Variants in EBF4 observed in about 807,000 individuals in gnomAD.
EBF4 encodes the protein EBF transcription factor 4.
Under a neutral mutation model 67.1 loss-of-function variants are expected in EBF4, and 34 were observed. The ratio of observed to expected loss-of-function variants is 0.51; its 90% CI spans 0.39 to 0.67. The LOEUF is 0.67. EBF4 is among the 30% of genes least tolerant of loss of function. The pLI is 0.00. For synonymous variants in EBF4, 387 were observed against 377.7 expected (o/e 1.02, Z -0.29); for missense variants, 837 against 873.3 (o/e 0.96, Z 0.52).
At chr20:2,709,007 G>C (rs780505321) in intron 5 of EBF4, among the ~76,000 whole-genome samples, 14 of 152,082 alleles carry the variant, frequency 9.2e-5, no homozygotes, top group Non-Finnish European at 1.6e-4. Context: ...CCAACGTGGT[G>C]AAACCCCGTC....
chr20:2,706,890 G>A (rs1241764610), intron 4 of EBF4, among the ~76,000 whole-genome samples: 3 of 152,230 alleles, frequency 2.0e-5, no homozygotes, highest in African/African-American at 7.2e-5. Context: ...GCACCTTGCT[G>A]ATGTGACGGT....
At chr20:2,706,673 C>A (rs949696291) in intron 4 of EBF4, among the ~76,000 whole-genome samples, 1 of 152,112 alleles carries the variant, frequency 6.6e-6, no homozygotes, top group Non-Finnish European at 1.5e-5. Context: ...TTTTGCACCC[C>A]GTATCAATTA....
chr20:2,753,408 C>A (rs2088188320), intron 14 of EBF4, among the ~76,000 whole-genome samples: 1 of 152,230 alleles, frequency 6.6e-6, no homozygotes, highest in South Asian at 2.1e-4. Flanking sequence ...CAAGACTCTT[C>A]CATCATCAAG....
upstream of EBF4, chr20:2,692,897 G>A (rs1241086952): frequency 6.9e-6 from 1 of 145,554 alleles, no homozygotes; most frequent in Non-Finnish European, 1.5e-5. This position sits in a 1 kb window ranked among gnomAD's most constrained non-coding sequence, Gnocchi z 6.4. Flanking sequence ...GCGGGGCGGC[G>A]CGGGAACCGG....
Position 2,740,312 on chromosome 20 carries a change from C to A in EBF4, c.558-8237C>A, listed in dbSNP as rs573325531. Among the ~76,000 whole-genome samples, 1,020 of 149,174 alleles carry A rather than the reference C, an allele frequency of 6.8e-3. 24 individuals carry two copies. Among genetic ancestry groups the A allele is most frequent in the African/African-American group, 0.024 (968 of 40,672 alleles). ...TGGGCAACAGAGCGAGACTCCGTTT[C>A]AAAAAAAAAATAGATTTATGTTAAT... On this transcript the variant is annotated intron_variant, in intron 6 of 16. Transcript: ENST00000609451.
Position 2,693,902 on chromosome 20 carries a change from C to G in EBF4, c.137+120C>G. On this transcript the variant is annotated intron_variant, in intron 1 of 16. Transcript: ENST00000609451. This position sits in a 1 kb window ranked among gnomAD's most constrained non-coding sequence, Gnocchi z 4.6. ...GAGCCCTAACTCTGGACGGTCCCGGCGAGCTCCCCGGCCCACCCCGTCCGG... is the reference window on the plus strand; with the variant it reads ...GAGCCCTAACTCTGGACGGTCCCGGGGAGCTCCCCGGCCCACCCCGTCCGG... The G allele has an allele frequency of 1.7e-6, 2 of 1,202,662 alleles. No individual in the cohort carries two copies. The highest frequency in any genetic ancestry group is 2.1e-6 in the Non-Finnish European group (2 of 959,212). The allele number at this position is 1,202,662 out of a possible 1,614,324, so 74.5% of individuals were successfully genotyped here. A position where few individuals can be genotyped will look rare whatever the true frequency, so the allele number is the denominator to read the frequency against.
At chr20:2,706,717 C>T (rs770156308) in intron 4 of EBF4, among the ~76,000 whole-genome samples, 3 of 152,194 alleles carry the variant, frequency 2.0e-5, no homozygotes, top group South Asian at 4.1e-4. Flanking sequence ...AAGGGTAGCA[C>T]GTAACCTCTG....
At chr20:2,711,092 G>A (rs1261768328) in intron 6 of EBF4, among the ~76,000 whole-genome samples, 5 of 151,792 alleles carry the variant, frequency 3.3e-5, no homozygotes, top group Admixed American at 6.6e-5. Context: ...AGACTGCAGC[G>A]AGCTGTGATT....
At chr20:2,716,388 G>T (rs970143529) in intron 6 of EBF4, among the ~76,000 whole-genome samples, 8 of 151,914 alleles carry the variant, frequency 5.3e-5, no homozygotes, top group Non-Finnish European at 1.2e-4. Context: ...AATCAGCCGG[G>T]TGTGGTGGTG....
At chr20:2,752,766 G>A (rs2088176953) in intron 14 of EBF4, among the ~76,000 whole-genome samples, 1 of 152,248 alleles carries the variant, frequency 6.6e-6, no homozygotes. Flanking sequence ...TGGGGCCAGA[G>A]TACTCCGTGC....
intron 6 of EBF4, among the ~76,000 whole-genome samples, chr20:2,724,354 AT>A (rs1390006489): frequency 3.3e-5 from 5 of 152,040 alleles, no homozygotes; most frequent in Non-Finnish European, 7.4e-5. Flanking sequence ...TATATGAATA[AT>A]TTTTTTTAAC....
chr20:2,696,800 C>T lies in EBF4; in HGVS notation c.137+3018C>T, dbSNP rs1259199775. On this transcript the variant is annotated intron_variant, in intron 1 of 16. Coordinates refer to ENST00000609451, the Ensembl canonical transcript of EBF4. The surrounding 1 kb of genome is among the most constrained non-coding windows in gnomAD (Gnocchi z 4.7). ...TTTCTGTGCCCTCCCACCCTGCCCA[C>T]GGGAGTGGCTTTAATGCTGCCTACG... Among the ~76,000 whole-genome samples the T allele has an allele frequency of 6.6e-6, 1 of 152,156 alleles. No individual in the cohort carries two copies. Among genetic ancestry groups the T allele is most frequent in the Non-Finnish European group, 1.5e-5 (1 of 68,014 alleles).
At chr20:2,716,316 C>T (rs1007752629) in intron 6 of EBF4, among the ~76,000 whole-genome samples, 10 of 151,094 alleles carry the variant, frequency 6.6e-5, no homozygotes, top group Admixed American at 2.0e-4. Flanking sequence ...CACCGGAGGT[C>T]GGGAGTTCGA....
intron 4 of EBF4, among the ~76,000 whole-genome samples, chr20:2,706,768 G>T (rs1329236915): frequency 6.6e-6 from 1 of 152,216 alleles, no homozygotes; most frequent in Non-Finnish European, 1.5e-5. Context: ...ACTGAGAGCA[G>T]TTCTCAGGAG....
intron 14 of EBF4, among the ~76,000 whole-genome samples, chr20:2,753,188 C>T (rs1327888921): frequency 1.3e-5 from 2 of 152,202 alleles, no homozygotes; most frequent in African/African-American, 2.4e-5. Context: ...CCACCCCCTG[C>T]TTAAGGTTGA....
chr20:2,710,655 G>A (rs1029598751), intron 6 of EBF4, among the ~76,000 whole-genome samples: 1 of 151,484 alleles, frequency 6.6e-6, no homozygotes, highest in Non-Finnish European at 1.5e-5. Context: ...AGCATTCATA[G>A]GTGCAAAAAT....
At chr20:2,749,042 G>T (rs966373886) in intron 7 of EBF4, among the ~76,000 whole-genome samples, 8 of 152,192 alleles carry the variant, frequency 5.3e-5, no homozygotes, top group Admixed American at 2.0e-4. Context: ...TGAGTTCTCC[G>T]GCTGATGCTG....
rs558930080 is a variant in EBF4 at position 2,738,822 on chromosome 20, AT to A, written c.558-9725del. Among the ~76,000 whole-genome samples, 265 of 152,338 alleles carry A rather than the reference AT, an allele frequency of 1.7e-3. 4 individuals carry two copies. The South Asian group carries it at 0.025, about 14-fold the overall frequency. On this transcript the variant is annotated intron_variant, in intron 6 of 16. Transcript: ENST00000609451. ...TCATTAATTATACAAGATTATGCTA[AT>A]TGTGCATGCAAATGCATGCAGGGGA... is the stretch of plus-strand genomic sequence containing the variant.
Position 2,751,328 on chromosome 20 carries a change from A to G in EBF4, c.1019-372A>G, listed in dbSNP as rs1936912751. Reference sequence around the variant, plus strand: ...TTTTCTTTTTTATAATAAACTCCTGATTTGACCAGATGAAAAGAGAAAACT... The same window carrying G: ...TTTTCTTTTTTATAATAAACTCCTGGTTTGACCAGATGAAAAGAGAAAACT... On this transcript the variant is annotated intron_variant, in intron 10 of 16. Transcript: ENST00000609451. The surrounding 1 kb of genome is among the most constrained non-coding windows in gnomAD (Gnocchi z 5.2). 1.3e-5 allele frequency among the ~76,000 whole-genome samples: 2 copies of G among 152,184 alleles called. No individual in the cohort carries two copies. Among genetic ancestry groups the G allele is most frequent in the Admixed American group, 1.3e-4 (2 of 15,272 alleles).
Sources: gnomAD v4.1 joint callset for allele counts (sites outside exome capture counted in the v4.1 genomes callset) on GRCh38, gnomAD v4.1.1 for gene constraint, Gnocchi (gnomAD v3.1) non-coding constraint, MANE v1.5 for transcripts, NCBI Gene and HGNC (gene_info 2026-07-23, HGNC 2026-07-21) for gene names.